The following ST8SIA2 variants were observed in gnomAD, a reference collection of about 807,000 sequenced individuals.
The protein encoded by ST8SIA2 is alpha-2,8-sialyltransferase 8B.
A neutral mutation model predicts 37.6 loss-of-function variants in ST8SIA2; 22 were observed. The observed-to-expected ratio is 0.58, with a 90% confidence interval of 0.42 to 0.83. ST8SIA2 has a LOEUF of 0.83. ST8SIA2 is among the 40% of genes least tolerant of loss of function. ST8SIA2 has a pLI of 0.00. For synonymous variants in ST8SIA2, 205 were observed against 201.2 expected, an observed-to-expected ratio of 1.02 and a Z score of -0.16; for missense variants, 382 against 484.7, an observed-to-expected ratio of 0.79 and a Z score of 1.99.
At chr15:92,453,075 G>A (rs2049894442) in intron 5 of ST8SIA2, among the ~76,000 whole-genome samples, 1 of 152,100 alleles carries the variant, frequency 6.6e-6, no homozygotes, top group South Asian at 2.1e-4. Flanking sequence ...TGAAACCCAA[G>A]CAGAAGGCCT....
intron 2 of ST8SIA2, among the ~76,000 whole-genome samples, chr15:92,432,755 A>T (rs1370007090): frequency 6.6e-6 from 1 of 152,196 alleles, no homozygotes; most frequent in Non-Finnish European, 1.5e-5. Context: ...AGGAGTCAGA[A>T]ATATTGAGGA....
In ST8SIA2 at chr15:92,434,234, T is replaced by A; in HGVS notation, c.162-13T>A. ...CATCATGTCTACCCTCTTTCTTTTT[T>A]TTTCCCTTCCAGAGCTGAAGTTGTA... On this transcript the variant is annotated splice_polypyrimidine_tract_variant and intron_variant, in intron 2 of 5. Transcript: ENST00000268164. The A allele has an allele frequency of 1.9e-6, 3 of 1,614,050 alleles. No homozygotes were observed. The highest frequency in any genetic ancestry group is 2.5e-6 in the Non-Finnish European group (3 of 1,180,016).
chr15:92,453,504 G>T (rs1200520759), intron 5 of ST8SIA2, among the ~76,000 whole-genome samples: 5 of 152,216 alleles, frequency 3.3e-5, no homozygotes. Flanking sequence ...GCAGAGAGAT[G>T]AACAGCACCA....
intron 1 of ST8SIA2, among the ~76,000 whole-genome samples, chr15:92,411,225 C>T (rs2049546496): frequency 6.6e-6 from 1 of 152,186 alleles, no homozygotes; most frequent in Non-Finnish European, 1.5e-5. Context: ...CAAAGGGACC[C>T]ACAAAAGCTT....
chr15:92,425,132 C>T (rs1336514898), intron 1 of ST8SIA2, among the ~76,000 whole-genome samples: 1 of 152,190 alleles, frequency 6.6e-6, no homozygotes, highest in East Asian at 1.9e-4. Flanking sequence ...CATCTTCTAT[C>T]AATCAACCAG....
At chr15:92,448,591 C>T (rs2049859131) in intron 5 of ST8SIA2, among the ~76,000 whole-genome samples, 1 of 152,258 alleles carries the variant, frequency 6.6e-6, no homozygotes, top group African/African-American at 2.4e-5. Context: ...TTGGTTGTAT[C>T]ACCTGCCTTC....
At chr15:92,440,104 G>A (rs573966403) in intron 4 of ST8SIA2, among the ~76,000 whole-genome samples, 64 of 152,272 alleles carry the variant, frequency 4.2e-4, no homozygotes, top group Non-Finnish European at 8.4e-4. Context: ...TTCCTTTTGG[G>A]ACCCTTTCAC....
In ST8SIA2 at chr15:92,462,540, T is replaced by C. The variant is rs985360723; in HGVS notation, c.843-1560T>C. On this transcript the variant is annotated intron_variant, in intron 5 of 5. Coordinates refer to ENST00000268164, the MANE Select transcript of ST8SIA2 (RefSeq NM_006011.4). ...AAGCACTAAATCATATTAAACAGTT[T>C]CATCTTTCAGCAATATGTAAATGTT... Among the ~76,000 whole-genome samples, 4 of 152,250 alleles carry C rather than the reference T, an allele frequency of 2.6e-5. No individual in the cohort carries two copies. In the East Asian group the frequency reaches 7.7e-4, roughly 29 times the overall value.
At chr15:92,398,644 A>G (rs1244257211) in intron 1 of ST8SIA2, among the ~76,000 whole-genome samples, 1 of 152,226 alleles carries the variant, frequency 6.6e-6, no homozygotes, top group African/African-American at 2.4e-5. Context: ...GATCCTCACC[A>G]GAACCCTCTA....
At chr15:92,398,434 G>A (rs946584176) in intron 1 of ST8SIA2, among the ~76,000 whole-genome samples, 2 of 152,208 alleles carry the variant, frequency 1.3e-5, no homozygotes, top group Non-Finnish European at 2.9e-5. Flanking sequence ...GATAACAATA[G>A]CAATTATGAC....
At chr15:92,448,947 G>T (rs982053189) in intron 5 of ST8SIA2, among the ~76,000 whole-genome samples, 3 of 151,782 alleles carry the variant, frequency 2.0e-5, no homozygotes, top group African/African-American at 4.8e-5. Flanking sequence ...GTGGGGGGGG[G>T]TGTGAATGAA....
Position 92,464,399 on chromosome 15 carries a change from T to A in ST8SIA2, c.*14T>A. ...GGGGCCACGTAGGGTGGGCACCCCA[T>A]GGGACTCAGTGGCTCACATTTCCTG... On this transcript the variant is annotated 3_prime_UTR_variant, in exon 6 of 6. Coordinates refer to ENST00000268164, the MANE Select transcript of ST8SIA2 (RefSeq NM_006011.4). 6.2e-7 allele frequency: 1 copy of A among 1,612,832 alleles called. No individual in the cohort carries two copies. The highest frequency in any genetic ancestry group is 8.5e-7 in the Non-Finnish European group (1 of 1,180,006).
chr15:92,452,459 A>G (rs1374174608), intron 5 of ST8SIA2, among the ~76,000 whole-genome samples: 1 of 152,238 alleles, frequency 6.6e-6, no homozygotes, highest in Non-Finnish European at 1.5e-5. Context: ...ATCATGCAGA[A>G]TTAGAGAAGG....
intron 5 of ST8SIA2, chr15:92,445,207 C>A (rs374907832): frequency 1.8e-6 from 1 of 542,574 alleles, no homozygotes. Context: ...TCTTGAGGCT[C>A]AATGGGAACA....
At chr15:92,398,748 C>G (rs540296775) in intron 1 of ST8SIA2, among the ~76,000 whole-genome samples, 122 of 152,358 alleles carry the variant, frequency 8.0e-4, no homozygotes, top group South Asian at 2.3e-3. Context: ...TAAAGCAGCT[C>G]TGTGGAAGGC....
At chr15:92,452,928 G>A (rs781693246) in intron 5 of ST8SIA2, among the ~76,000 whole-genome samples, 35 of 152,028 alleles carry the variant, frequency 2.3e-4, no homozygotes, top group Admixed American at 9.2e-4. Flanking sequence ...AATTCAACCC[G>A]TAACAGCTGG....
intron 3 of ST8SIA2, among the ~76,000 whole-genome samples, chr15:92,436,040 T>C (rs759524503): frequency 8.1e-5 from 11 of 136,072 alleles, no homozygotes; most frequent in Non-Finnish European, 1.6e-4. Context: ...CACGTGGCCC[T>C]CTCCTCTGTG....
chr15:92,460,744 A>G (rs537018735), intron 5 of ST8SIA2, among the ~76,000 whole-genome samples: 1 of 152,376 alleles, frequency 6.6e-6, no homozygotes, highest in South Asian at 2.1e-4. Context: ...ACATTAGACC[A>G]ACCACATTCC....
At chr15:92,454,709 G>A (rs1369087899) in intron 5 of ST8SIA2, among the ~76,000 whole-genome samples, 2 of 152,064 alleles carry the variant, frequency 1.3e-5, no homozygotes, top group Non-Finnish European at 2.9e-5. Context: ...GGCTTCAGCT[G>A]CCCCAACCTG....
Sources: allele counts gnomAD v4.1 joint callset (sites outside exome capture counted in the v4.1 genomes callset), GRCh38; gene constraint gnomAD v4.1.1; transcripts MANE v1.5; gene names NCBI Gene and HGNC (gene_info 2026-07-23, HGNC 2026-07-21).